Variants in ELMOD1 observed in about 807,000 individuals in gnomAD.
ELMOD1 encodes ELMO domain-containing protein 1.
ELMOD1 carries 21 observed loss-of-function variants against 46.7 expected under a neutral mutation model. That is an observed-to-expected ratio of 0.45 (90% CI 0.32 to 0.65). The LOEUF (loss-of-function observed/expected upper bound fraction) is 0.65. Among genes scored for constraint, ELMOD1 ranks in the 30% least tolerant of loss-of-function variants. The pLI is 0.04. For synonymous variants in ELMOD1, 122 were observed against 138.2 expected, an observed-to-expected ratio of 0.88 and a Z score of 0.82; for missense variants, 348 against 407.8, an observed-to-expected ratio of 0.85 and a Z score of 1.26.
intron 2 of ELMOD1, among the ~76,000 whole-genome samples, chr11:107,621,461 T>G (rs192078403): frequency 8.7e-4 from 132 of 152,384 alleles, no homozygotes; most frequent in African/African-American, 3.1e-3. Flanking sequence ...GATTAATATC[T>G]TGGTCCACTA....
At position 107,665,216 on chromosome 11, in the gene ELMOD1, A is replaced by G. The variant is rs1156726498; in HGVS notation, c.*19A>G. The G allele has an allele frequency of 1.2e-6, 2 of 1,612,344 alleles. No homozygotes were observed. The highest frequency in any genetic ancestry group is 1.1e-5 in the South Asian group (1 of 90,760). On this transcript the variant is annotated 3_prime_UTR_variant, in exon 12 of 12. Coordinates refer to ENST00000265840, the MANE Select transcript of ELMOD1 (RefSeq NM_018712.4). ...CATGTAGTTGCCCACGCCGGTTTTA[A>G]TGGATACCCTGGAACACTGCCTCAT...
chr11:107,645,652 C>T (rs1866416478), intron 6 of ELMOD1, among the ~76,000 whole-genome samples: 1 of 152,150 alleles, frequency 6.6e-6, no homozygotes, highest in South Asian at 2.1e-4. Context: ...ATGCAGGGCA[C>T]TGGCACATTC....
chr11:107,634,672 C>T (rs1215704785), intron 5 of ELMOD1, among the ~76,000 whole-genome samples: 8 of 152,028 alleles, frequency 5.3e-5, no homozygotes, highest in African/African-American at 1.7e-4. Context: ...AATCAGGAGG[C>T]GGAGGTTGCA....
chr11:107,602,775 A>G (rs1865623678), intron 1 of ELMOD1, among the ~76,000 whole-genome samples: 1 of 148,812 alleles, frequency 6.7e-6, no homozygotes, highest in Non-Finnish European at 1.5e-5. Flanking sequence ...AATTCATGTC[A>G]GAAACGTCCC....
chr11:107,658,268 CAA>C (rs1176112606), intron 11 of ELMOD1, among the ~76,000 whole-genome samples: 1 of 151,938 alleles, frequency 6.6e-6, no homozygotes, highest in Non-Finnish European at 1.5e-5. Flanking sequence ...GTTTTTGTAA[CAA>C]GACTTGTTAA....
At position 107,655,951 on chromosome 11, in the gene ELMOD1, G is replaced by A. The variant is rs35478988; in HGVS notation, c.717G>A (p.Val239=). 56 of 1,606,538 alleles carry A rather than the reference G, an allele frequency of 3.5e-5. No homozygotes were observed. The African/African-American group carries it at 6.1e-4, about 18-fold the overall frequency. ...DKAIGYSFAI[V]GINITDLAYN... is the part of the protein sequence containing the mutation. ...TTTATAGGTACTCATTTGCAATTGT[G>A]GGCATCAATATAACTGACCTGGCAT... Residue 239 remains valine, a synonymous_variant, in exon 11 of 12, where the codon GTG becomes GTA. Coordinates refer to ENST00000265840, the MANE Select transcript of ELMOD1 (RefSeq NM_018712.4).
intron 1 of ELMOD1, among the ~76,000 whole-genome samples, chr11:107,598,859 G>T (rs1157157102): frequency 6.6e-6 from 1 of 152,228 alleles, no homozygotes; most frequent in South Asian, 2.1e-4. Context: ...GATTTTGTGA[G>T]TTGCCTTCAG....
intron 1 of ELMOD1, among the ~76,000 whole-genome samples, chr11:107,609,908 T>C (rs2135664678): frequency 6.6e-6 from 1 of 152,352 alleles, no homozygotes; most frequent in Non-Finnish European, 1.5e-5. Context: ...TCATATTCTT[T>C]ATTTTAGTTA....
intron 11 of ELMOD1, among the ~76,000 whole-genome samples, chr11:107,660,066 A>C (rs536587263): frequency 5.3e-4 from 81 of 152,258 alleles, no homozygotes; most frequent in African/African-American, 1.8e-3. Flanking sequence ...AGAGGGGCTC[A>C]GGCCTCTCTA....
intron 1 of ELMOD1, chr11:107,592,192 T>C (rs568677491): frequency 5.2e-6 from 2 of 386,096 alleles, no homozygotes; most frequent in Non-Finnish European, 1.1e-5. Flanking sequence ...ACACATCTTA[T>C]GAATATTTCA....
In ELMOD1 at chr11:107,630,521, G is replaced by A. The variant is rs766764287; in HGVS notation, c.122G>A (p.Cys41Tyr). 5.1e-5 allele frequency: 82 copies of A among 1,610,594 alleles called. No individual in the cohort carries two copies. In the East Asian group the frequency reaches 1.8e-3, roughly 35 times the overall value. ...LTGRCELQRI[C>Y]YNTKPGASRT... ...GGAAGATGTGAACTACAACGGATCT[G>A]TTATAATACCAAGCCGGGAGCTTCT... Residue 41 changes from cysteine to tyrosine, a missense_variant, in exon 3 of 12, where the codon TGT becomes TAT. By Grantham distance (194) the Cys-to-Tyr change is radical. Transcript: ENST00000265840.
intron 6 of ELMOD1, among the ~76,000 whole-genome samples, chr11:107,646,687 A>G (rs1193476428): frequency 6.6e-6 from 1 of 152,138 alleles, no homozygotes; most frequent in African/African-American, 2.4e-5. Flanking sequence ...GTGAGCCGAA[A>G]TCAGGCCACA....
chr11:107,657,446 G>A (rs955345049), intron 11 of ELMOD1, among the ~76,000 whole-genome samples: 4 of 152,146 alleles, frequency 2.6e-5, no homozygotes, highest in African/African-American at 9.7e-5. Context: ...AAGATCGCTT[G>A]AGCCCAAGGA....
chr11:107,598,352 C>T (rs1865529368), intron 1 of ELMOD1, among the ~76,000 whole-genome samples: 1 of 152,200 alleles, frequency 6.6e-6, no homozygotes. Flanking sequence ...CTTCTTTCTT[C>T]TGCCTTTTTG....
At chr11:107,618,427 A>G (rs1332178215) in intron 2 of ELMOD1, among the ~76,000 whole-genome samples, 3 of 152,204 alleles carry the variant, frequency 2.0e-5, no homozygotes, top group Non-Finnish European at 2.9e-5. Context: ...AGATGGCGAG[A>G]GAGTGTGGGC....
chr11:107,653,557 T>C (rs1389316352), intron 9 of ELMOD1: 1 of 141,912 alleles, frequency 7.0e-6, no homozygotes, highest in African/African-American at 2.5e-5. Context: ...CCTTCCTCTC[T>C]TCCTCCCTAG....
At chr11:107,598,243 A>G (rs1162668358) in intron 1 of ELMOD1, among the ~76,000 whole-genome samples, 2 of 152,198 alleles carry the variant, frequency 1.3e-5, no homozygotes, top group African/African-American at 2.4e-5. Context: ...TCTGCAAACT[A>G]GAGACCCAGG....
intron 10 of ELMOD1, 59 bp downstream of exon 10, chr11:107,654,281 C>T: frequency 1.4e-6 from 2 of 1,412,526 alleles, no homozygotes; most frequent in South Asian, 1.2e-5. Flanking sequence ...AGAACTAGAA[C>T]TAGAGTATCA....
At chr11:107,614,727 C>T (rs1865832532) in intron 1 of ELMOD1, among the ~76,000 whole-genome samples, 1 of 152,212 alleles carries the variant, frequency 6.6e-6, no homozygotes, top group Non-Finnish European at 1.5e-5. Context: ...AGATAAGGTT[C>T]AAACTTCAAC....
Sources: gnomAD v4.1 joint callset for allele counts (sites outside exome capture counted in the v4.1 genomes callset) on GRCh38, gnomAD v4.1.1 for gene constraint, MANE v1.5 for transcripts, NCBI Gene and HGNC (gene_info 2026-07-23, HGNC 2026-07-21) for gene names.